The following DPH7 variants were observed in gnomAD, a reference collection of about 807,000 sequenced individuals.
The protein encoded by DPH7 is diphthine methyltransferase.
Under a neutral mutation model 41.7 loss-of-function variants are expected in DPH7, and 44 were observed. That is an observed-to-expected ratio of 1.05 (90% CI 0.83 to 1.36). DPH7 has a LOEUF of 1.36. DPH7 is among the 40% of genes most tolerant of loss of function. The pLI is 0.00. For synonymous variants in DPH7, 275 were observed against 238.0 expected (o/e 1.16, Z -1.43); for missense variants, 629 against 577.5 (o/e 1.09, Z -0.91).
At chr9:137,575,487 T>C in intron 3 of DPH7, 1 of 990,586 alleles carries the variant, frequency 1.0e-6, no homozygotes, top group Non-Finnish European at 1.2e-6. Context: ...GCAACTGCTC[T>C]AAGCTGCCTT....
At chr9:137,558,441 C>T (rs1166850428) in intron 8 of DPH7, among the ~76,000 whole-genome samples, 2 of 152,112 alleles carry the variant, frequency 1.3e-5, no homozygotes, top group East Asian at 3.9e-4. Flanking sequence ...AAGGTGAAAA[C>T]AACCCAAATG....
In DPH7 at chr9:137,578,612, GC is replaced by G; in HGVS notation, c.153+12del. ...GGCCCCGCCCTCCCCTCCCGAAGCCGCGGCGCGCGCACCTTGTTCTGGGGGC... is the reference window on the plus strand; with the variant it reads ...GGCCCCGCCCTCCCCTCCCGAAGCCGGGCGCGCGCACCTTGTTCTGGGGGC... On this transcript the variant is annotated intron_variant, in intron 1 of 8. Transcript: ENST00000277540. The G allele has an allele frequency of 1.0e-6, 1 of 986,732 alleles. No homozygotes were observed. The highest frequency in any genetic ancestry group is 1.5e-5 in the South Asian group (1 of 66,178). The allele number at this position is 986,732 out of a possible 1,614,324, so 61.1% of individuals were successfully genotyped here.
intron 8 of DPH7, among the ~76,000 whole-genome samples, chr9:137,559,328 G>A (rs897739051): frequency 6.6e-6 from 1 of 152,200 alleles, no homozygotes. Flanking sequence ...CTGGGAAGAC[G>A]CCCGTTGCCA....
chr9:137,564,536 C>T lies in DPH7; in HGVS notation c.847G>A (p.Gly283Ser). The T allele has an allele frequency of 6.2e-7, 1 of 1,614,134 alleles. No homozygotes were observed. Among genetic ancestry groups the T allele is most frequent in the East Asian group, 2.2e-5 (1 of 44,874 alleles). Residue 283 changes from glycine (G) to serine (S), a missense_variant, in exon 8 of 9, where the codon GGT (glycine) becomes AGT (serine). By Grantham distance (56) the Gly-to-Ser change is moderately conservative. Coordinates refer to ENST00000277540, the MANE Select transcript of DPH7 (RefSeq NM_138778.5). ...TGCCACTTGATTCTCCATACCCCACCCTGCACAGGCGTATCTGCCAACGGC... is the reference window on the plus strand; with the variant it reads ...TGCCACTTGATTCTCCATACCCCACTCTGCACAGGCGTATCTGCCAACGGC... ...KQPLADTPVQ[G>S]GVWRIKWHPF...
At chr9:137,574,566 G>A (rs1329721258) in intron 4 of DPH7, 186 bp from the exon 5 acceptor site, 2 of 831,192 alleles carry the variant, frequency 2.4e-6, no homozygotes, top group East Asian at 2.5e-5. Context: ...ACTTCTCTAG[G>A]TAAAAACACT....
intron 8 of DPH7, among the ~76,000 whole-genome samples, chr9:137,563,560 A>T (rs1287705636): frequency 6.6e-6 from 1 of 150,742 alleles, no homozygotes; most frequent in East Asian, 1.9e-4. Flanking sequence ...GAGGAATACC[A>T]TGCGGAAATC....
chr9:137,576,044 C>A (rs762711050), intron 3 of DPH7, 36 bp downstream of exon 3: 2 of 1,613,376 alleles, frequency 1.2e-6, no homozygotes, highest in African/African-American at 2.7e-5. Flanking sequence ...CTATTCAGGT[C>A]CCTTCTGCCC....
chr9:137,571,947 C>T lies in DPH7; in HGVS notation c.640+2261G>A, dbSNP rs143041421. 3.5e-4 allele frequency among the ~76,000 whole-genome samples: 53 copies of T among 152,254 alleles called. No individual in the cohort carries two copies. In the East Asian group the frequency reaches 7.7e-3, roughly 22 times the overall value. On this transcript the variant is annotated intron_variant, in intron 5 of 8. Transcript: ENST00000277540. ...CCAGAATTATTCAATCATTGCCCTA[C>T]GGTACCTTTGCTCTGAATTAGCTCA...
chr9:137,564,440 C>T lies in DPH7; in HGVS notation c.943G>A (p.Ala315Thr). 6.2e-7 allele frequency: 1 copy of T among 1,612,892 alleles called. No individual in the cohort carries two copies. The highest frequency in any genetic ancestry group is 8.5e-7 in the Non-Finnish European group (1 of 1,179,364). The change falls in exon 8 of 9, where the codon GCA becomes ACA. Residue 315 changes from alanine (A) to threonine (T), a missense_variant. By Grantham distance (58) the Ala-to-Thr change is moderately conservative. Coordinates refer to ENST00000277540, the MANE Select transcript of DPH7 (RefSeq NM_138778.5). ...SGFKILNCQK[A>T]MEERQEATVL... ...GCCACGGGTCCCCACTCACCCATTG[C>T]CTTTTGGCAGTTGAGGATCTTAAAG...
Position 137,576,073 on chromosome 9 carries a change from C to A in DPH7, c.375+7G>T. 1 of 1,613,916 alleles carries A rather than the reference C, an allele frequency of 6.2e-7. No individual in the cohort carries two copies. The highest frequency in any genetic ancestry group is 8.5e-7 in the Non-Finnish European group (1 of 1,180,036). On this transcript the variant is annotated splice_region_variant and intron_variant, in intron 3 of 8. Coordinates refer to ENST00000277540, the MANE Select transcript of DPH7 (RefSeq NM_138778.5). ...TCTGCCCCACAGAACAAGTGCAAGT[C>A]ACTGACCTCAGATTCCACCAGGCGG...
At chr9:137,575,478 C>A in intron 3 of DPH7, 11 of 988,992 alleles carry the variant, frequency 1.1e-5, no homozygotes, top group Non-Finnish European at 1.3e-5. Context: ...TAAGACAGGG[C>A]AACTGCTCTA....
Position 137,555,534 on chromosome 9 carries a change from G to A in DPH7, c.1064C>T (p.Ser355Phe). 2 of 1,614,048 alleles carry A rather than the reference G, an allele frequency of 1.2e-6. No homozygotes were observed. Among genetic ancestry groups the A allele is most frequent in the Admixed American group, 1.7e-5 (1 of 60,030 alleles). Residue 355 changes from serine to phenylalanine, a missense_variant, in exon 9 of 9, where the codon TCC becomes TTC. By Grantham distance (155) the Ser-to-Phe change is radical (BLOSUM62 -2). Coordinates refer to ENST00000277540, the MANE Select transcript of DPH7 (RefSeq NM_138778.5). ...FRSLQRAPSW[S>F]FPSNLGTKTA... ...CTTGGTTCCTAGGTTGCTAGGAAAG[G>A]ACCACGAGGGGGCCCGCTGCAGAGA...
chr9:137,559,332 G>A (rs1027715013), intron 8 of DPH7, among the ~76,000 whole-genome samples: 1 of 152,196 alleles, frequency 6.6e-6, no homozygotes, highest in African/African-American at 2.4e-5. Context: ...GAAGACGCCC[G>A]TTGCCAGGCG....
At chr9:137,576,889 CAA>C (rs34721314) in intron 2 of DPH7, among the ~76,000 whole-genome samples, 16 of 117,692 alleles carry the variant, frequency 1.4e-4, no homozygotes, top group South Asian at 2.8e-4. Context: ...GACTCCGTCT[CAA>C]AAAAAAAAAA....
chr9:137,564,937 G>A lies in DPH7; in HGVS notation c.732C>T (p.Ser244=), dbSNP rs1194945625. 1 of 1,596,918 alleles carries A rather than the reference G, an allele frequency of 6.3e-7. No individual in the cohort carries two copies. ...GCTCCCGATGAGGGCTGCTCTGGAT[G>A]CTGCACACACCCATGGTGTGTCTGC... is the stretch of plus-strand genomic sequence containing the variant. ...TSKRHTMGVC[S]IQSSPHREHI... Residue 244 remains serine (S), a synonymous_variant, in exon 7 of 9, where the codon AGC becomes AGT. Transcript: ENST00000277540.
At chr9:137,561,627 G>C (rs1341285117) in intron 8 of DPH7, among the ~76,000 whole-genome samples, 1 of 150,998 alleles carries the variant, frequency 6.6e-6, no homozygotes, top group African/African-American at 2.4e-5. Context: ...TGAAAACGAT[G>C]CATCACGCCA....
At chr9:137,557,290 A>G (rs1588776581) in intron 8 of DPH7, among the ~76,000 whole-genome samples, 1 of 152,130 alleles carries the variant, frequency 6.6e-6, no homozygotes, top group East Asian at 1.9e-4. Flanking sequence ...GGTGGATCAC[A>G]AGGTCAAGAG....
intron 5 of DPH7, among the ~76,000 whole-genome samples, chr9:137,571,186 T>A (rs886893871): frequency 2.0e-5 from 3 of 151,882 alleles, no homozygotes; most frequent in Non-Finnish European, 4.4e-5. Flanking sequence ...TGTATTTATA[T>A]AAATAAATTT....
At chr9:137,555,737 A>ACAGC in intron 8 of DPH7, 89 bp from the exon 9 acceptor site, 1 of 1,393,276 alleles carries the variant, frequency 7.2e-7, no homozygotes, top group South Asian at 1.5e-5. Context: ...GACTCCAAGA[A>ACAGC]CAGCCCCTCA....
Sources: gnomAD v4.1 joint callset for allele counts (sites outside exome capture counted in the v4.1 genomes callset) on GRCh38, gnomAD v4.1.1 for gene constraint, MANE v1.5 for transcripts, NCBI Gene and HGNC (gene_info 2026-07-23, HGNC 2026-07-21) for gene names.